Variants in CTSS observed in about 807,000 individuals in gnomAD.
CTSS encodes cathepsin S.
In CTSS, 15 loss-of-function variants were observed where a neutral mutation model predicts 39.9. The observed-to-expected ratio is 0.38, with a 90% CI of 0.25 to 0.58. CTSS has a LOEUF of 0.58. CTSS is among the 20% of genes least tolerant of loss of function. CTSS has a pLI of 0.70. For synonymous variants in CTSS, 126 were observed against 138.2 expected, an observed-to-expected ratio of 0.91 and a Z score of 0.62; for missense variants, 250 against 398.2, an observed-to-expected ratio of 0.63 and a Z score of 3.17.
At chr1:150,751,265 T>C (rs1398066470) in intron 5 of CTSS, among the ~76,000 whole-genome samples, 5 of 152,102 alleles carry the variant, frequency 3.3e-5, no homozygotes, top group African/African-American at 1.2e-4. Context: ...CTGTTTAATT[T>C]TGGGATGGAG....
intron 7 of CTSS, among the ~76,000 whole-genome samples, chr1:150,741,137 T>C (rs914841573): frequency 9.2e-5 from 14 of 152,082 alleles, no homozygotes; most frequent in Non-Finnish European, 1.6e-4. Context: ...GAGTAGTTGA[T>C]ATTACAGGCA....
At chr1:150,744,568 A>G (rs1242935514) in intron 7 of CTSS, among the ~76,000 whole-genome samples, 1 of 120,380 alleles carries the variant, frequency 8.3e-6, no homozygotes, top group Non-Finnish European at 1.6e-5. Flanking sequence ...TATATTATGT[A>G]TACATAATAT....
At position 150,730,590 on chromosome 1, in the gene CTSS, A is replaced by G. The variant is rs1652498689; in HGVS notation, c.*2456T>C. The G allele has an allele frequency of 6.6e-6, 1 of 152,138 alleles. No homozygotes were observed. The highest frequency in any genetic ancestry group is 2.4e-5 in the African/African-American group (1 of 41,426). The allele number at this position is 152,138 out of a possible 1,614,324, so 9.4% of individuals were successfully genotyped here. ...TCAGAGTCACCTTCCTGCTTCTGCA[A>G]TTTCCTCAAATGCCTTCAGCTTAAA... On this transcript the variant is annotated 3_prime_UTR_variant, in exon 8 of 8. Coordinates refer to ENST00000368985, the MANE Select transcript of CTSS (RefSeq NM_004079.5).
chr1:150,733,999 T>A (rs1383242779), intron 7 of CTSS, among the ~76,000 whole-genome samples: 1 of 152,074 alleles, frequency 6.6e-6, no homozygotes, highest in African/African-American at 2.4e-5. Context: ...GATATACAGT[T>A]ATCAATTTTA....
At chr1:150,749,770 C>T (rs756880878) in intron 6 of CTSS, among the ~76,000 whole-genome samples, 2 of 151,886 alleles carry the variant, frequency 1.3e-5, no homozygotes, top group South Asian at 2.1e-4. Context: ...CTGCCTCACC[C>T]TCCCAAGTAG....
intron 2 of CTSS, among the ~76,000 whole-genome samples, chr1:150,758,867 T>A (rs1292090916): frequency 1.3e-5 from 2 of 150,338 alleles, no homozygotes; most frequent in East Asian, 1.9e-4. Context: ...TTTTTTTTTT[T>A]AGACAGGGTC....
At chr1:150,744,504 TA>T (rs35375032) in intron 7 of CTSS, among the ~76,000 whole-genome samples, 15 of 59,772 alleles carry the variant, frequency 2.5e-4, no homozygotes, top group East Asian at 2.0e-3. Context: ...ATACATAATA[TA>T]TTATATATTA....
chr1:150,754,953 T>C, intron 4 of CTSS, 48 bp downstream of exon 4: 1 of 1,567,504 alleles, frequency 6.4e-7, no homozygotes, highest in Non-Finnish European at 8.7e-7. Context: ...GACTAAGCAT[T>C]TAAAGAGCTC....
At chr1:150,762,331 G>A (rs1653283794) in intron 2 of CTSS, among the ~76,000 whole-genome samples, 1 of 152,048 alleles carries the variant, frequency 6.6e-6, no homozygotes, top group Non-Finnish European at 1.5e-5. Context: ...ACCACTATAA[G>A]AAAATATAGG....
At chr1:150,737,705 C>A (rs1240487998) in intron 7 of CTSS, among the ~76,000 whole-genome samples, 1 of 152,082 alleles carries the variant, frequency 6.6e-6, no homozygotes, top group East Asian at 1.9e-4. Flanking sequence ...TTTCTAAAGC[C>A]TAGGTTCTAG....
intron 4 of CTSS, among the ~76,000 whole-genome samples, chr1:150,753,318 C>G (rs1296708100): frequency 2.0e-5 from 3 of 152,118 alleles, no homozygotes; most frequent in Non-Finnish European, 4.4e-5. Flanking sequence ...AACAAGCAAA[C>G]TAAAGGAAAA....
intron 7 of CTSS, among the ~76,000 whole-genome samples, chr1:150,735,441 C>T (rs1296769130): frequency 1.3e-5 from 2 of 152,180 alleles, no homozygotes; most frequent in Non-Finnish European, 2.9e-5. Context: ...CAGTCCTTCT[C>T]AAACATTTTC....
At chr1:150,753,959 C>CAA (rs921776295) in intron 4 of CTSS, among the ~76,000 whole-genome samples, 2 of 150,644 alleles carry the variant, frequency 1.3e-5, no homozygotes, top group African/African-American at 4.9e-5. Context: ...CAAAACAAAA[C>CAA]AAAACAAAAA....
At chr1:150,754,813 T>C (rs1264784826) in intron 4 of CTSS, among the ~76,000 whole-genome samples, 188 bp downstream of exon 4, 1 of 152,190 alleles carries the variant, frequency 6.6e-6, no homozygotes, top group Non-Finnish European at 1.5e-5. Context: ...GGGCCAACTG[T>C]ATAAATAAAA....
chr1:150,748,811 C>T (rs1652947040), intron 6 of CTSS, among the ~76,000 whole-genome samples: 1 of 152,142 alleles, frequency 6.6e-6, no homozygotes, highest in Admixed American at 6.5e-5. Flanking sequence ...TCTATTGGTA[C>T]CATTTTCCCA....
intron 7 of CTSS, among the ~76,000 whole-genome samples, chr1:150,739,940 C>T (rs907376248): frequency 6.6e-6 from 1 of 152,214 alleles, no homozygotes. Flanking sequence ...TCGATTTTAG[C>T]ATTTATCACA....
chr1:150,743,450 C>A (rs941941539), intron 7 of CTSS, among the ~76,000 whole-genome samples: 1 of 145,540 alleles, frequency 6.9e-6, no homozygotes, highest in Non-Finnish European at 1.5e-5. Flanking sequence ...AGGCTGGGTG[C>A]GGTGGTGGCT....
At chr1:150,752,799 G>T (rs1002237804) in intron 4 of CTSS, among the ~76,000 whole-genome samples, 2 of 152,110 alleles carry the variant, frequency 1.3e-5, no homozygotes, top group Non-Finnish European at 2.9e-5. Flanking sequence ...AAAACTAATT[G>T]AAAGAAAAAT....
rs1652523029 is a variant in CTSS at position 150,731,611 on chromosome 1, C to T, written c.*1435G>A. The stretch of plus-strand genomic sequence containing the variant: ...ACATTATCCCACACATTGTTCATGT[C>T]ATAGACATGAACTTAAAAAATTTAA... On this transcript the variant is annotated 3_prime_UTR_variant, in exon 8 of 8. Coordinates refer to ENST00000368985, the MANE Select transcript of CTSS (RefSeq NM_004079.5). 6.6e-6 allele frequency: 1 copy of T among 152,158 alleles called. No homozygotes were observed. Among genetic ancestry groups the T allele is most frequent in the Admixed American group, 6.5e-5 (1 of 15,272 alleles). The allele number at this position is 152,158 out of a possible 1,614,324, so 9.4% of individuals were successfully genotyped here. A position where few individuals can be genotyped will look rare whatever the true frequency, so the allele number is the denominator to read the frequency against.
Sources: gnomAD v4.1 joint callset for allele counts (sites outside exome capture counted in the v4.1 genomes callset) on GRCh38, gnomAD v4.1.1 for gene constraint, MANE v1.5 for transcripts, NCBI Gene and HGNC (gene_info 2026-07-23, HGNC 2026-07-21) for gene names.